BBS9: variants seen among roughly 807,000 people sequenced by gnomAD.
The protein encoded by BBS9 is Bardet-Biedl syndrome 9, also known as protein PTHB1.
Under a neutral mutation model 117.7 loss-of-function variants are expected in BBS9, and 89 were observed. The ratio of observed to expected loss-of-function variants is 0.76; its 90% CI spans 0.64 to 0.90. The LOEUF is 0.90. Among genes scored for constraint, BBS9 ranks in the 40% least tolerant of loss-of-function variants. The pLI is 0.00. For synonymous variants in BBS9, 379 were observed against 370.9 expected (o/e 1.02, Z -0.25); for missense variants, 982 against 1,042.2 (o/e 0.94, Z 0.80).
intron 4 of BBS9, among the ~76,000 whole-genome samples, chr7:33,162,327 T>G (rs938575385): frequency 3.9e-5 from 6 of 152,204 alleles, no homozygotes; most frequent in African/African-American, 1.4e-4. Context: ...TTTCTTGTTT[T>G]TGTCAGCTTT....
chr7:33,415,876 C>T (rs957892235), intron 19 of BBS9, among the ~76,000 whole-genome samples: 2 of 151,894 alleles, frequency 1.3e-5, no homozygotes, highest in African/African-American at 4.8e-5. Flanking sequence ...ATTCTGCCAC[C>T]CAGGCTGGAG....
intron 5 of BBS9, among the ~76,000 whole-genome samples, chr7:33,200,832 A>G (rs571261583): frequency 6.6e-6 from 1 of 152,108 alleles, no homozygotes; most frequent in Non-Finnish European, 1.5e-5. Context: ...TTTTTATTTG[A>G]GGATGAATCA....
At chr7:33,320,806 C>T (rs937151481) in intron 9 of BBS9, among the ~76,000 whole-genome samples, 1 of 151,832 alleles carries the variant, frequency 6.6e-6, no homozygotes, top group Non-Finnish European at 1.5e-5. Flanking sequence ...GATTATATCT[C>T]GTTGTAGTCC....
intron 19 of BBS9, among the ~76,000 whole-genome samples, chr7:33,483,106 G>C (rs975576321): frequency 2.6e-5 from 4 of 151,372 alleles, no homozygotes; most frequent in East Asian, 2.0e-4. Flanking sequence ...TCTTTGGGGG[G>C]CGGGGGGAAT....
chr7:33,221,251 G>T (rs191380023), intron 5 of BBS9, among the ~76,000 whole-genome samples: 62 of 152,206 alleles, frequency 4.1e-4, no homozygotes, highest in Middle Eastern at 6.8e-3. Context: ...TCTTTCTTGA[G>T]ATCAGAGATC....
At chr7:33,358,885 CT>C (rs1422727756) in intron 16 of BBS9, among the ~76,000 whole-genome samples, 1 of 151,774 alleles carries the variant, frequency 6.6e-6, no homozygotes, top group Non-Finnish European at 1.5e-5. Context: ...TTATTAACTA[CT>C]TAAAGTGCTT....
chr7:33,363,122 A>T (rs898029477), intron 16 of BBS9, among the ~76,000 whole-genome samples: 1 of 151,970 alleles, frequency 6.6e-6, no homozygotes, highest in African/African-American at 2.4e-5. Flanking sequence ...TTTTCTTTTG[A>T]TATGGAGTCT....
chr7:33,581,759 T>C (rs1859967495), intron 21 of BBS9, among the ~76,000 whole-genome samples: 1 of 152,178 alleles, frequency 6.6e-6, no homozygotes, highest in Non-Finnish European at 1.5e-5. Flanking sequence ...CATTTTATCC[T>C]TACAAGGTTT....
chr7:33,223,143 A>T (rs1340497463), intron 5 of BBS9, among the ~76,000 whole-genome samples: 1 of 151,924 alleles, frequency 6.6e-6, no homozygotes, highest in African/African-American at 2.4e-5. Context: ...TTTTTATGGC[A>T]GTCAATATTT....
At chr7:33,558,144 C>T (rs1015934308) in intron 21 of BBS9, among the ~76,000 whole-genome samples, 1 of 152,208 alleles carries the variant, frequency 6.6e-6, no homozygotes, top group Non-Finnish European at 1.5e-5. Flanking sequence ...TGTGCCCATT[C>T]TGATACTATA....
At chr7:33,218,849 C>A (rs1159194853) in intron 5 of BBS9, among the ~76,000 whole-genome samples, 3 of 152,284 alleles carry the variant, frequency 2.0e-5, no homozygotes, top group African/African-American at 7.2e-5. Context: ...TCGGCACCTC[C>A]TCTGCCTGGG....
intron 21 of BBS9, among the ~76,000 whole-genome samples, chr7:33,586,358 A>G (rs997224294): frequency 2.7e-5 from 4 of 150,388 alleles, no homozygotes; most frequent in African/African-American, 1.0e-4. Flanking sequence ...CACACCAGTC[A>G]GAATGGCTAC....
At chr7:33,228,851 C>T (rs1022168556) in intron 5 of BBS9, among the ~76,000 whole-genome samples, 5 of 152,056 alleles carry the variant, frequency 3.3e-5, no homozygotes, top group African/African-American at 9.7e-5. Flanking sequence ...CCCAATTTTG[C>T]TGTCTCAGGG....
chr7:33,545,084 C>T (rs1055725424), intron 21 of BBS9, among the ~76,000 whole-genome samples: 6 of 152,002 alleles, frequency 3.9e-5, no homozygotes, highest in African/African-American at 9.7e-5. Context: ...AGGCAGAGGG[C>T]GAGATGAGCT....
chr7:33,309,346 A>G (rs1244739495), intron 9 of BBS9, among the ~76,000 whole-genome samples: 2 of 147,318 alleles, frequency 1.4e-5, no homozygotes, highest in Non-Finnish European at 1.5e-5. Context: ...AAGATTTCCA[A>G]GACTTCAAAT....
intron 2 of BBS9, among the ~76,000 whole-genome samples, chr7:33,150,024 C>T (rs1382890559): frequency 6.6e-6 from 1 of 152,152 alleles, no homozygotes; most frequent in African/African-American, 2.4e-5. Flanking sequence ...CTTCTCCAAC[C>T]CTTCTGGACT....
intron 20 of BBS9, among the ~76,000 whole-genome samples, chr7:33,507,287 C>G (rs1388977577): frequency 1.3e-5 from 2 of 152,186 alleles, no homozygotes; most frequent in African/African-American, 4.8e-5. Context: ...GTTGCCCAGA[C>G]TGGAGTGCAA....
intron 5 of BBS9, among the ~76,000 whole-genome samples, chr7:33,255,230 T>C (rs1796838130): frequency 6.6e-6 from 1 of 152,162 alleles, no homozygotes; most frequent in Non-Finnish European, 1.5e-5. Context: ...CCAATACCAA[T>C]GCCATGAAGC....
chr7:33,441,900 T>G (rs1275070164), intron 19 of BBS9, among the ~76,000 whole-genome samples: 1 of 149,380 alleles, frequency 6.7e-6, no homozygotes, highest in African/African-American at 2.5e-5. Context: ...CTTTTTTTTT[T>G]TTTTTTCCCG....
Sources: gnomAD v4.1 joint callset for allele counts (sites outside exome capture counted in the v4.1 genomes callset) on GRCh38, gnomAD v4.1.1 for gene constraint, MANE v1.5 for transcripts, NCBI Gene and HGNC (gene_info 2026-07-23, HGNC 2026-07-21) for gene names.